The following ADARB2 variants were observed in gnomAD, a reference collection of about 807,000 sequenced individuals.
The protein encoded by ADARB2 is inactive double-stranded RNA-specific editase B2.
In ADARB2, 25 loss-of-function variants were observed where a neutral mutation model predicts 62.2. The observed-to-expected ratio is 0.40, with a 90% confidence interval of 0.29 to 0.56. ADARB2 has a LOEUF of 0.56. ADARB2 is among the 20% of genes least tolerant of loss of function. The pLI, the probability that ADARB2 is intolerant of heterozygous loss-of-function variation, is 0.43. For missense variants in ADARB2, 1,071 were observed against 1,077.4 expected (o/e 0.99, Z 0.08); for synonymous variants, 572 against 500.8 (o/e 1.14, Z -1.90).
rs11250396 is a variant in ADARB2 at position 1,303,164 on chromosome 10, A to G, written c.1078-32095T>C. Among the ~76,000 whole-genome samples the G allele has an allele frequency of 5.4e-3, 825 of 152,086 alleles. 38 individuals are homozygous for G. The East Asian group carries it at 0.12, about 22-fold the overall frequency. On this transcript the variant is annotated intron_variant, in intron 3 of 9. Transcript: ENST00000381312. ...AGAAGAATTTGTAACTAGAATAACC[A>G]ATACAGAGAAGTGCTTAAAGGAGCT...
chr10:1,458,836 TGACGGAACAAACACTC>T (rs1164186400), intron 1 of ADARB2, among the ~76,000 whole-genome samples: 2 of 82,788 alleles, frequency 2.4e-5, no homozygotes, highest in Non-Finnish European at 2.6e-5. Context: ...GCTACAAGTG[TGACGGAACAAACACTC>T]GACGGAACAA....
At chr10:1,493,886 G>A (rs1232608316) in intron 1 of ADARB2, among the ~76,000 whole-genome samples, 2 of 151,704 alleles carry the variant, frequency 1.3e-5, no homozygotes, top group Non-Finnish European at 2.9e-5. Context: ...AGCCTCCTGA[G>A]CTGGGATTAC....
At chr10:1,615,710 G>A (rs969724710) in intron 1 of ADARB2, among the ~76,000 whole-genome samples, 1 of 152,198 alleles carries the variant, frequency 6.6e-6, no homozygotes, top group South Asian at 2.1e-4. Flanking sequence ...GGAGAAGATG[G>A]CCATGCTTCT....
At chr10:1,414,487 C>T (rs1268711011) in intron 1 of ADARB2, among the ~76,000 whole-genome samples, 2 of 152,176 alleles carry the variant, frequency 1.3e-5, no homozygotes, top group African/African-American at 2.4e-5. Flanking sequence ...TTGCTCCTTG[C>T]TCTCCCAGGA....
At chr10:1,401,257 C>T (rs1156643975) in intron 1 of ADARB2, among the ~76,000 whole-genome samples, 2 of 152,170 alleles carry the variant, frequency 1.3e-5, no homozygotes, top group African/African-American at 4.8e-5. Context: ...GTGGTCTGGT[C>T]GTGACTTTCC....
intron 1 of ADARB2, among the ~76,000 whole-genome samples, chr10:1,682,925 C>T (rs1834556209): frequency 1.3e-5 from 2 of 152,234 alleles, no homozygotes; most frequent in Admixed American, 6.5e-5. Context: ...AGGCCAACAC[C>T]TGATACAGCT....
intron 1 of ADARB2, among the ~76,000 whole-genome samples, chr10:1,529,221 A>C (rs546734995): frequency 3.9e-4 from 55 of 140,598 alleles, no homozygotes; most frequent in African/African-American, 1.4e-3. Flanking sequence ...CAGTCCACGC[A>C]CCATCCCCAA....
intron 1 of ADARB2, among the ~76,000 whole-genome samples, chr10:1,499,878 TACTC>T (rs1831742932): frequency 6.6e-6 from 1 of 152,112 alleles, no homozygotes; most frequent in Non-Finnish European, 1.5e-5. Flanking sequence ...ATTTAGTCAT[TACTC>T]ACTTATCTCT....
At chr10:1,473,658 A>G (rs922173986) in intron 1 of ADARB2, among the ~76,000 whole-genome samples, 7 of 152,306 alleles carry the variant, frequency 4.6e-5, no homozygotes, top group African/African-American at 1.2e-4. Flanking sequence ...TTGGGATTAC[A>G]GGCATGAGCT....
chr10:1,640,217 T>A (rs1048413733), intron 1 of ADARB2, among the ~76,000 whole-genome samples: 1 of 152,164 alleles, frequency 6.6e-6, no homozygotes, highest in African/African-American at 2.4e-5. Context: ...AGTTTAGAAG[T>A]CTCGTTTTCC....
At chr10:1,473,641 C>G (rs1054004010) in intron 1 of ADARB2, among the ~76,000 whole-genome samples, 25 of 152,304 alleles carry the variant, frequency 1.6e-4, no homozygotes, top group African/African-American at 5.8e-4. Context: ...CTTGGCCTCC[C>G]AAAGTGTTGG....
At chr10:1,537,118 A>G (rs1268059112) in intron 1 of ADARB2, among the ~76,000 whole-genome samples, 3 of 152,244 alleles carry the variant, frequency 2.0e-5, no homozygotes, top group Admixed American at 1.3e-4. Flanking sequence ...ATTTACAAGA[A>G]AAAAACAAAC....
intron 1 of ADARB2, among the ~76,000 whole-genome samples, chr10:1,463,511 C>T (rs1026058825): frequency 6.6e-6 from 1 of 152,214 alleles, no homozygotes; most frequent in African/African-American, 2.4e-5. Context: ...CGCGCGTATT[C>T]ATCTCAGAAT....
At chr10:1,410,393 A>G (rs573787914) in intron 1 of ADARB2, among the ~76,000 whole-genome samples, 1 of 152,340 alleles carries the variant, frequency 6.6e-6, no homozygotes, top group East Asian at 1.9e-4. Flanking sequence ...CCACGAGCAC[A>G]GTATCAGGGA....
intron 3 of ADARB2, among the ~76,000 whole-genome samples, chr10:1,347,999 G>A (rs139356970): frequency 4.8e-4 from 73 of 151,954 alleles, no homozygotes; most frequent in African/African-American, 1.7e-3. Context: ...CTGAGAGAGA[G>A]AGACAGAGAC....
intron 1 of ADARB2, among the ~76,000 whole-genome samples, chr10:1,568,128 C>T (rs923858169): frequency 1.3e-5 from 2 of 152,240 alleles, no homozygotes; most frequent in Non-Finnish European, 1.5e-5. Flanking sequence ...GCAAACCACC[C>T]GGGGAACAGT....
intron 1 of ADARB2, among the ~76,000 whole-genome samples, chr10:1,514,588 C>G (rs1313237254): frequency 6.6e-6 from 1 of 151,920 alleles, no homozygotes; most frequent in African/African-American, 2.4e-5. Context: ...ATGTCCTGCA[C>G]AGCGGCCCCT....
intron 7 of ADARB2, among the ~76,000 whole-genome samples, chr10:1,206,441 A>G (rs926666747): frequency 2.1e-5 from 3 of 143,870 alleles, no homozygotes; most frequent in Non-Finnish European, 4.6e-5. Flanking sequence ...GTCTCCTCCA[A>G]CTGGGGCGTC....
At chr10:1,498,261 C>A (rs1409117030) in intron 1 of ADARB2, among the ~76,000 whole-genome samples, 2 of 151,936 alleles carry the variant, frequency 1.3e-5, no homozygotes, top group Non-Finnish European at 2.9e-5. Context: ...GTAATCCCAG[C>A]TACTTTGGGA....
Sources: gnomAD v4.1 joint callset for allele counts (sites outside exome capture counted in the v4.1 genomes callset) on GRCh38, gnomAD v4.1.1 for gene constraint, MANE v1.5 for transcripts, NCBI Gene and HGNC (gene_info 2026-07-23, HGNC 2026-07-21) for gene names.